PHIP: variants seen among roughly 807,000 people sequenced by gnomAD.
PHIP encodes the protein PHIP subunit of CUL4-Ring ligase complex.
A neutral mutation model predicts 236.8 loss-of-function variants in PHIP; 54 were observed. That is an observed-to-expected ratio of 0.23 (90% CI 0.18 to 0.29). The LOEUF is 0.29. Ranked by LOEUF, PHIP falls within the 10% of genes least tolerant of loss-of-function variation. The probability of loss-of-function intolerance (pLI) is 1.00; values close to 1 mark genes in which losing one functional copy is unlikely to be tolerated. For missense variants in PHIP, 1,370 were observed against 2,190.8 expected, an observed-to-expected ratio of 0.63 and a Z score of 7.48; for synonymous variants, 756 against 718.9, an observed-to-expected ratio of 1.05 and a Z score of -0.83.
intron 35 of PHIP, among the ~76,000 whole-genome samples, chr6:78,952,309 C>T (rs1774205396): frequency 6.6e-6 from 1 of 151,522 alleles, no homozygotes; most frequent in South Asian, 2.1e-4. Flanking sequence ...ATCCCAGCTA[C>T]TCGTGAGGCC....
In PHIP at chr6:79,024,050, G is replaced by A. The variant is rs188203394; in HGVS notation, c.923+1469C>T. Among the ~76,000 whole-genome samples the A allele has an allele frequency of 7.8e-4, 119 of 152,214 alleles. 1 individual carries two copies. The South Asian group carries it at 8.1e-3, about 10-fold the overall frequency. Reference sequence around the variant, plus strand: ...CTATCTACAGAAAGACTTTAAATACGAGGGATGCAACTGAAGTGAAGTCAA... The same window carrying A: ...CTATCTACAGAAAGACTTTAAATACAAGGGATGCAACTGAAGTGAAGTCAA... On this transcript the variant is annotated intron_variant, in intron 9 of 39. Coordinates refer to ENST00000275034, the MANE Select transcript of PHIP (RefSeq NM_017934.7).
At chr6:79,065,676 T>C (rs1773585909) in intron 4 of PHIP, among the ~76,000 whole-genome samples, 1 of 152,064 alleles carries the variant, frequency 6.6e-6, no homozygotes, top group Admixed American at 6.6e-5. Flanking sequence ...CTTGTGATTA[T>C]ACATTTAAAA....
rs1227476240 is a variant in PHIP, at chr6:78,936,084, GTT to G, written c.*4607_*4608del. 2.6e-5 allele frequency: 4 copies of G among 151,834 alleles called. No homozygotes were observed. The highest frequency in any genetic ancestry group is 6.6e-5 in the Admixed American group (1 of 15,248). 9.4% of individuals were successfully genotyped at this position (151,834 alleles called of 1,614,324 possible). ...ACTGCTATTCTGGTGTGAAACTGCT[GTT>G]TATAATATGATACTCCAGGTTCGGA... On this transcript the variant is annotated 3_prime_UTR_variant, in exon 40 of 40. Transcript: ENST00000275034.
chr6:78,975,258 G>A (rs1243343618), intron 24 of PHIP, among the ~76,000 whole-genome samples: 18 of 151,976 alleles, frequency 1.2e-4, no homozygotes, highest in South Asian at 6.2e-4. Context: ...TATAAACAGA[G>A]CCAAAGACAA....
chr6:78,990,647 TGTA>T (rs1457583923), intron 20 of PHIP, among the ~76,000 whole-genome samples: 1 of 152,142 alleles, frequency 6.6e-6, no homozygotes, highest in Non-Finnish European at 1.5e-5. Flanking sequence ...TTCATGAGTA[TGTA>T]AGAATTGGCA....
Position 78,946,830 on chromosome 6 carries a change from G to A in PHIP, c.4251C>T (p.His1417=), listed in dbSNP as rs763453304. ...SLRLSAFFEE[H]ISSVLSDYKS... is the part of the protein sequence containing the mutation. ...TATAATCTGATAAAACTGAACTAAT[G>A]TGTTCTTCAAAGAAAGCAGACAGGC... The change falls in exon 37 of 40, where the codon CAC becomes CAT. Residue 1417 remains histidine, a synonymous_variant. Transcript: ENST00000275034. 1.3e-6 allele frequency: 2 copies of A among 1,584,940 alleles called. No individual in the cohort carries two copies. The highest frequency in any genetic ancestry group is 2.3e-5 in the South Asian group (2 of 86,094).
intron 6 of PHIP, among the ~76,000 whole-genome samples, chr6:79,049,275 T>A (rs557692169): frequency 5.8e-4 from 89 of 152,230 alleles, no homozygotes; most frequent in Non-Finnish European, 1.1e-3. Flanking sequence ...TTGGTCAGGC[T>A]GGTCTCGAAC....
chr6:79,034,918 G>A (rs1771854216), intron 7 of PHIP, among the ~76,000 whole-genome samples: 1 of 152,122 alleles, frequency 6.6e-6, no homozygotes, highest in South Asian at 2.1e-4. Context: ...GTGCGGGATG[G>A]CAACTAAGAA....
At position 78,935,542 on chromosome 6, in the gene PHIP, T is replaced by C; in HGVS notation, c.*5151A>G. On this transcript the variant is annotated 3_prime_UTR_variant, in exon 40 of 40. Transcript: ENST00000275034. ...TTACGAAAGTATCTGAATAGTGAAG[T>C]ATTTATCACTCATCACAGTAACTTA... 1 of 963,508 alleles carries C rather than the reference T, an allele frequency of 1.0e-6. No individual in the cohort carries two copies. Among genetic ancestry groups the C allele is most frequent in the Non-Finnish European group, 1.2e-6 (1 of 809,964 alleles). 59.7% of individuals were successfully genotyped at this position (963,508 alleles called of 1,614,324 possible). A position where few individuals can be genotyped will look rare whatever the true frequency, so the allele number is the denominator to read the frequency against.
intron 13 of PHIP, 132 bp downstream of exon 13, chr6:79,016,412 A>G (rs1347470692): frequency 2.2e-6 from 1 of 460,414 alleles, no homozygotes; most frequent in Non-Finnish European, 3.9e-6. Flanking sequence ...CTCCAATTGT[A>G]CCTCTAGTTA....
chr6:78,973,005 G>C (rs374120049), intron 24 of PHIP, among the ~76,000 whole-genome samples: 5 of 152,116 alleles, frequency 3.3e-5, no homozygotes, highest in African/African-American at 9.7e-5. Flanking sequence ...GGCCAACGTT[G>C]AGATTCAGGA....
chr6:79,034,827 C>G (rs1008763354), intron 7 of PHIP, among the ~76,000 whole-genome samples: 1 of 152,160 alleles, frequency 6.6e-6, no homozygotes, highest in African/African-American at 2.4e-5. Flanking sequence ...GTTGAATTCT[C>G]TAAGTGAAAT....
chr6:78,963,748 T>G (rs1766944674), intron 29 of PHIP, among the ~76,000 whole-genome samples: 1 of 152,248 alleles, frequency 6.6e-6, no homozygotes, highest in Admixed American at 6.5e-5. Context: ...GCTTTCTGCA[T>G]GCTTGAATCT....
intron 19 of PHIP, among the ~76,000 whole-genome samples, chr6:78,994,939 T>C (rs953698946): frequency 2.6e-5 from 4 of 152,226 alleles, no homozygotes; most frequent in Admixed American, 1.3e-4. Context: ...GATTATAGAA[T>C]AGTATAACCT....
chr6:79,043,907 T>C (rs1021396470), intron 6 of PHIP, among the ~76,000 whole-genome samples: 1 of 151,530 alleles, frequency 6.6e-6, no homozygotes, highest in Non-Finnish European at 1.5e-5. Context: ...AATTTAGCCC[T>C]AAAGAAAACT....
intron 9 of PHIP, among the ~76,000 whole-genome samples, chr6:79,020,493 G>GC (rs1298850467): frequency 6.6e-6 from 1 of 151,972 alleles, no homozygotes; most frequent in Non-Finnish European, 1.5e-5. Flanking sequence ...AATTATGAAG[G>GC]CAACTAAATG....
At chr6:79,050,006 C>A (rs961783471) in intron 6 of PHIP, among the ~76,000 whole-genome samples, 10 of 151,892 alleles carry the variant, frequency 6.6e-5, no homozygotes, top group African/African-American at 2.4e-4. Flanking sequence ...AATTTTCTAA[C>A]AGAAGTTACG....
intron 12 of PHIP, 122 bp from the exon 13 acceptor site, chr6:79,016,764 A>C (rs1770850812): frequency 1.7e-6 from 1 of 577,062 alleles, no homozygotes; most frequent in Non-Finnish European, 3.1e-6. Flanking sequence ...CATTCTAATA[A>C]CTTCTGAAAC....
chr6:79,075,218 C>T (rs1345891458), intron 4 of PHIP, among the ~76,000 whole-genome samples: 1 of 152,118 alleles, frequency 6.6e-6, no homozygotes, highest in East Asian at 1.9e-4. Flanking sequence ...CTAACTAAAT[C>T]TCAACTAAAA....
Sources: allele counts gnomAD v4.1 joint callset (sites outside exome capture counted in the v4.1 genomes callset), GRCh38; gene constraint gnomAD v4.1.1; transcripts MANE v1.5; gene names NCBI Gene and HGNC (gene_info 2026-07-23, HGNC 2026-07-21).